TSPAN32: variants seen among roughly 807,000 people sequenced by gnomAD.
TSPAN32 encodes tetraspanin 32.
A neutral mutation model predicts 42.7 loss-of-function variants in TSPAN32; 47 were observed. The observed-to-expected ratio is 1.10, with a 90% CI of 0.87 to 1.40. The LOEUF (loss-of-function observed/expected upper bound fraction) is 1.40, where lower values mean the gene tolerates loss of function less well. Ranked by LOEUF, TSPAN32 falls within the 40% of genes most tolerant of loss-of-function variation. The probability of loss-of-function intolerance (pLI) is 0.00; values close to 1 mark genes in which losing one functional copy is unlikely to be tolerated. For missense variants in TSPAN32, 469 were observed against 424.1 expected (o/e 1.11, Z -0.93); for synonymous variants, 175 against 175.9 (o/e 0.99, Z 0.04).
In TSPAN32 at chr11:2,304,119, G is replaced by A. The variant is rs777126996; in HGVS notation, c.194G>A (p.Gly65Glu). 11 of 1,582,858 alleles carry A rather than the reference G, an allele frequency of 6.9e-6. No individual in the cohort carries two copies. The highest frequency in any genetic ancestry group is 8.6e-6 in the Non-Finnish European group (10 of 1,164,600). Residue 65 changes from glycine to glutamate, a missense_variant, in exon 3 of 10, where the codon GGG becomes GAG. Gly to Glu is a moderately conservative substitution (Grantham distance 98). Transcript: ENST00000182290. This position sits in a 1 kb window ranked among gnomAD's most constrained non-coding sequence, Gnocchi z 4.8. ...TCCTCCCAACCAGCCTTCTCTGCGGGGTTGAGCCTGGTGGGCCTCCTGACT... is the reference window on the plus strand; with the variant it reads ...TCCTCCCAACCAGCCTTCTCTGCGGAGTTGAGCCTGGTGGGCCTCCTGACT... ...QAVHQWAFSA[G>E]LSLVGLLTLG...
rs553392239 is a variant in TSPAN32, at chr11:2,302,740, G to A, written c.67-104G>A. On this transcript the variant is annotated intron_variant, in intron 1 of 9. Coordinates refer to ENST00000182290, the MANE Select transcript of TSPAN32 (RefSeq NM_139022.3). The stretch of plus-strand genomic sequence containing the variant: ...CCCTGCAGCTGAGCCTGTCTCTCAC[G>A]GGACCGGGAAGCTGGAGAGAGCCCC... The A allele has an allele frequency of 5.3e-5, 47 of 890,236 alleles. No individual in the cohort carries two copies. In the East Asian group the frequency reaches 7.5e-4, roughly 14 times the overall value. The allele number at this position is 890,236 out of a possible 1,614,324, so 55.1% of individuals were successfully genotyped here.
In TSPAN32 at chr11:2,318,010, A is replaced by C; in HGVS notation, c.*86A>C. 3 of 690,016 alleles carry C rather than the reference A, an allele frequency of 4.3e-6. No homozygotes were observed. The highest frequency in any genetic ancestry group is 2.6e-5 in the East Asian group (1 of 37,884). The allele number at this position is 690,016 out of a possible 1,614,324, so 42.7% of individuals were successfully genotyped here. A position where few individuals can be genotyped will look rare whatever the true frequency, so the allele number is the denominator to read the frequency against. On this transcript the variant is annotated 3_prime_UTR_variant, in exon 10 of 10. Coordinates refer to ENST00000182290, the MANE Select transcript of TSPAN32 (RefSeq NM_139022.3). This position sits in a 1 kb window ranked among gnomAD's most constrained non-coding sequence, Gnocchi z 4.2. ...GACCATTCAGGCTGTTGACAAGTCA[A>C]CTCCTCATGGCTGTAGGACTGAGGT... is the stretch of plus-strand genomic sequence containing the variant.
At chr11:2,303,171 C>T (rs542135990) in intron 2 of TSPAN32, 37 of 566,690 alleles carry the variant, frequency 6.5e-5, no homozygotes, top group African/African-American at 3.2e-4. Flanking sequence ...GCCTGGTTCT[C>T]GTGCCCCACA....
chr11:2,310,433 G>A (rs576721170), intron 4 of TSPAN32, among the ~76,000 whole-genome samples: 9 of 152,292 alleles, frequency 5.9e-5, no homozygotes, highest in South Asian at 2.1e-4. Flanking sequence ...TGTCTGGCCC[G>A]TGCGCCCAGC....
intron 5 of TSPAN32, among the ~76,000 whole-genome samples, chr11:2,314,159 C>CT (rs1178231509): frequency 5.1e-5 from 3 of 58,390 alleles, no homozygotes; most frequent in Non-Finnish European, 1.2e-4. Context: ...CTTGTCTCTA[C>CT]TTTAAAAAAA....
chr11:2,302,810 C>G (rs761607007), intron 1 of TSPAN32, 34 bp from the exon 2 acceptor site: 3 of 1,582,324 alleles, frequency 1.9e-6, no homozygotes, highest in Admixed American at 3.4e-5. Flanking sequence ...GCAGCAGTCC[C>G]ATGCCCCACA....
chr11:2,308,723 G>A lies in TSPAN32; in HGVS notation c.280-13G>A, dbSNP rs765344163. Reference sequence around the variant, plus strand: ...CCAGCCCTCAACAGTGACCAGCCCCGCTCTGCCCCCAGGGCTTCCTGTGCT... The same window carrying A: ...CCAGCCCTCAACAGTGACCAGCCCCACTCTGCCCCCAGGGCTTCCTGTGCT... On this transcript the variant is annotated splice_polypyrimidine_tract_variant and intron_variant, in intron 3 of 9. Coordinates refer to ENST00000182290, the MANE Select transcript of TSPAN32 (RefSeq NM_139022.3). 16 of 1,531,376 alleles carry A rather than the reference G, an allele frequency of 1.0e-5. No individual in the cohort carries two copies. Among genetic ancestry groups the A allele is most frequent in the Middle Eastern group, 1.8e-4 (1 of 5,612 alleles). 94.9% of individuals were successfully genotyped at this position (1,531,376 alleles called of 1,614,324 possible). A position where few individuals can be genotyped will look rare whatever the true frequency, so the allele number is the denominator to read the frequency against.
chr11:2,302,194 G>T lies in TSPAN32; in HGVS notation c.45G>T (p.Leu15=). 1 of 1,412,394 alleles carries T rather than the reference G, an allele frequency of 7.1e-7. No homozygotes were observed. Among genetic ancestry groups the T allele is most frequent in the South Asian group, 1.8e-5 (1 of 54,594 alleles). 87.5% of individuals were successfully genotyped at this position (1,412,394 alleles called of 1,614,324 possible). ...SRVRVAKCQM[L]VTCFFILLLG... The stretch of plus-strand genomic sequence containing the variant: ...TCAGGGTTGCCAAATGCCAGATGCT[G>T]GTCACCTGCTTCTTTATCTTGGTAA... Residue 15 remains leucine (L), a synonymous_variant, in exon 1 of 10, where the codon CTG becomes CTT. Coordinates refer to ENST00000182290, the MANE Select transcript of TSPAN32 (RefSeq NM_139022.3).
At chr11:2,302,763 C>A (rs1247535354) in intron 1 of TSPAN32, 81 bp from the exon 2 acceptor site, 5 of 1,192,054 alleles carry the variant, frequency 4.2e-6, no homozygotes, top group Non-Finnish European at 6.1e-6. Flanking sequence ...TGGAGAGAGC[C>A]CCAACCCTGC....
Position 2,313,752 on chromosome 11 carries a change from C to T in TSPAN32, c.453C>T (p.Asp151=), listed in dbSNP as rs541981635. ...GGCAGGAGCTGGCGGCCATCCAGGACGTGGTGAGCGTGGGGACGGCTGGGT... is the reference window on the plus strand; with the variant it reads ...GGCAGGAGCTGGCGGCCATCCAGGATGTGGTGAGCGTGGGGACGGCTGGGT... ...VRRQELAAIQ[D]VFLCCGKKSP... is the part of the protein sequence containing the mutation. The change falls in exon 5 of 10, where the codon GAC becomes GAT. Residue 151 remains aspartate (D), a synonymous_variant. Coordinates refer to ENST00000182290, the MANE Select transcript of TSPAN32 (RefSeq NM_139022.3). This position sits in a 1 kb window ranked among gnomAD's most constrained non-coding sequence, Gnocchi z 9.1. 46 of 1,589,774 alleles carry T rather than the reference C, an allele frequency of 2.9e-5. No individual in the cohort carries two copies. The African/African-American group carries it at 2.9e-4, about 10-fold the overall frequency.
chr11:2,305,324 G>A (rs1848010041), intron 3 of TSPAN32, among the ~76,000 whole-genome samples: 1 of 151,538 alleles, frequency 6.6e-6, no homozygotes, highest in African/African-American at 2.4e-5. Flanking sequence ...CTGGCTTCAG[G>A]GCCAGGTGGG....
chr11:2,310,334 G>C lies in TSPAN32; in HGVS notation c.354+1524G>C, dbSNP rs1032609593. On this transcript the variant is annotated intron_variant, in intron 4 of 9. Coordinates refer to ENST00000182290, the MANE Select transcript of TSPAN32 (RefSeq NM_139022.3). ...CAGCTGGGGCCTGCTCTCCAGGAAGGGAAGGGGGTGCAAGAAGATAGATGC... is the reference window on the plus strand; with the variant it reads ...CAGCTGGGGCCTGCTCTCCAGGAAGCGAAGGGGGTGCAAGAAGATAGATGC... Among the ~76,000 whole-genome samples the C allele has an allele frequency of 8.5e-5, 13 of 152,320 alleles. 1 individual carries two copies. The East Asian group carries it at 2.3e-3, about 27-fold the overall frequency.
chr11:2,302,645 G>A (rs1847824173), intron 1 of TSPAN32, 199 bp from the exon 2 acceptor site: 1 of 594,346 alleles, frequency 1.7e-6, no homozygotes, highest in Non-Finnish European at 3.0e-6. Context: ...CCATGTGGGG[G>A]TGCCTGTGAG....
Position 2,304,221 on chromosome 11 carries a change from C to T in TSPAN32, c.279+17C>T, listed in dbSNP as rs1440729784. On this transcript the variant is annotated intron_variant, in intron 3 of 9. Coordinates refer to ENST00000182290, the MANE Select transcript of TSPAN32 (RefSeq NM_139022.3). The surrounding 1 kb of genome is among the most constrained non-coding windows in gnomAD (Gnocchi z 4.8). ...ATGGCAGGGGTGAGTTCATTGTGTT[C>T]CCAGATGCCCAGGCCCCCAGAAAAG... 2.0e-6 allele frequency: 3 copies of T among 1,493,352 alleles called. No individual in the cohort carries two copies. Among genetic ancestry groups the T allele is most frequent in the Non-Finnish European group, 2.7e-6 (3 of 1,108,466 alleles). The allele number at this position is 1,493,352 out of a possible 1,614,324, so 92.5% of individuals were successfully genotyped here. A position where few individuals can be genotyped will look rare whatever the true frequency, so the allele number is the denominator to read the frequency against.
At chr11:2,309,016 T>C (rs143328874) in intron 4 of TSPAN32, among the ~76,000 whole-genome samples, 2,047 of 152,012 alleles carry the variant, frequency 0.013, 24 homozygotes, top group Non-Finnish European at 0.022. Context: ...GGCCAGCAGC[T>C]CCCTGGTGGG....
chr11:2,304,816 C>T lies in TSPAN32; in HGVS notation c.279+612C>T, dbSNP rs1236310293. ...CTCCCCATGGGCTTCTGTCTTGGTC[C>T]CTGCCACTCGATGGTCATCGCAGAC... On this transcript the variant is annotated intron_variant, in intron 3 of 9. Coordinates refer to ENST00000182290, the MANE Select transcript of TSPAN32 (RefSeq NM_139022.3). This position sits in a 1 kb window ranked among gnomAD's most constrained non-coding sequence, Gnocchi z 4.8. Among the ~76,000 whole-genome samples the T allele has an allele frequency of 1.3e-5, 2 of 152,092 alleles. No homozygotes were observed. Among genetic ancestry groups the T allele is most frequent in the Non-Finnish European group, 2.9e-5 (2 of 68,002 alleles).
chr11:2,315,179 C>CCA, intron 6 of TSPAN32: 1 of 898,226 alleles, frequency 1.1e-6, no homozygotes, highest in Non-Finnish European at 1.4e-6. Context: ...CCACCCTGCC[C>CCA]CCTCCCTGCT....
In TSPAN32 at chr11:2,317,811, G is replaced by C. The variant is rs2234315; in HGVS notation, c.902-52G>C. Reference sequence around the variant, plus strand: ...TGCACTGGTTTTCTATGCTGCGTAAGAAGCAGCATGGATGTAAGGACTGCA... The same window carrying C: ...TGCACTGGTTTTCTATGCTGCGTAACAAGCAGCATGGATGTAAGGACTGCA... On this transcript the variant is annotated intron_variant, in intron 9 of 9. Coordinates refer to ENST00000182290, the MANE Select transcript of TSPAN32 (RefSeq NM_139022.3). This position sits in a 1 kb window ranked among gnomAD's most constrained non-coding sequence, Gnocchi z 6.2. The C allele has an allele frequency of 0.044, 70,371 of 1,604,220 alleles. 2,438 individuals are homozygous for C. Among genetic ancestry groups the C allele is most frequent in the African/African-American group, 0.15 (11,429 of 74,632 alleles).
intron 6 of TSPAN32, chr11:2,315,595 G>C: frequency 8.5e-7 from 1 of 1,179,530 alleles, no homozygotes; most frequent in Non-Finnish European, 1.1e-6. Context: ...ATGGGCGGGA[G>C]GGAGGCAGAC....
Sources: gnomAD v4.1 joint callset for allele counts (sites outside exome capture counted in the v4.1 genomes callset) on GRCh38, gnomAD v4.1.1 for gene constraint, Gnocchi (gnomAD v3.1) non-coding constraint, MANE v1.5 for transcripts, NCBI Gene and HGNC (gene_info 2026-07-23, HGNC 2026-07-21) for gene names.